Variants in AGBL2 observed in about 807,000 individuals in gnomAD.
The protein encoded by AGBL2 is cytosolic carboxypeptidase 2.
AGBL2 carries 87 observed loss-of-function variants against 103.0 expected under a neutral mutation model. The ratio of observed to expected loss-of-function variants is 0.84; its 90% CI spans 0.71 to 1.01. The LOEUF (loss-of-function observed/expected upper bound fraction) is 1.01, where lower values mean the gene tolerates loss of function less well. AGBL2 is among the 50% of genes least tolerant of loss of function. AGBL2 has a pLI of 0.00. For synonymous variants in AGBL2, 335 were observed against 356.7 expected, an observed-to-expected ratio of 0.94 and a Z score of 0.69; for missense variants, 904 against 1,023.5, an observed-to-expected ratio of 0.88 and a Z score of 1.59.
At chr11:47,664,896 A>ATTTTTT (rs2097337408) in intron 17 of AGBL2, among the ~76,000 whole-genome samples, 1 of 104,756 alleles carries the variant, frequency 9.5e-6, no homozygotes, top group Non-Finnish European at 2.0e-5. Context: ...TTTTTTTTTA[A>ATTTTTT]TTTTTAGCAA....
At position 47,666,901 on chromosome 11, in the gene AGBL2, T is replaced by G. The variant is rs1464305813; in HGVS notation, c.2448+55A>C. 4 of 1,126,818 alleles carry G rather than the reference T, an allele frequency of 3.5e-6. No homozygotes were observed. In the Admixed American group the frequency reaches 7.5e-5, roughly 21 times the overall value. The allele number at this position is 1,126,818 out of a possible 1,614,324, so 69.8% of individuals were successfully genotyped here. A position where few individuals can be genotyped will look rare whatever the true frequency, so the allele number is the denominator to read the frequency against. ...TTGTCACATTGTGGGAGAGAGGTGC[T>G]AATTCGAGAGGTTAGAGAATCTGTG... On this transcript the variant is annotated intron_variant, in intron 17 of 18. Coordinates refer to ENST00000525123, the MANE Select transcript of AGBL2 (RefSeq NM_024783.4).
chr11:47,683,697 AGGAGGT>A (rs1340046529), intron 11 of AGBL2, among the ~76,000 whole-genome samples: 1 of 151,558 alleles, frequency 6.6e-6, no homozygotes, highest in Non-Finnish European at 1.5e-5. Context: ...ACTTCAACTC[AGGAGGT>A]GGAGGTTACA....
intron 14 of AGBL2, among the ~76,000 whole-genome samples, chr11:47,669,902 T>TA (rs2097352254): frequency 6.6e-6 from 1 of 152,136 alleles, no homozygotes; most frequent in Admixed American, 6.6e-5. Context: ...TGAGCCACTG[T>TA]ACCCGGTACC....
At chr11:47,705,779 C>G in intron 5 of AGBL2, 85 bp downstream of exon 5, 1 of 1,217,872 alleles carries the variant, frequency 8.2e-7, no homozygotes, top group Admixed American at 1.7e-5. Context: ...TCTGGTAATT[C>G]TTAGGTCTGG....
In AGBL2 at chr11:47,667,061, T is replaced by C; in HGVS notation, c.2343A>G (p.Glu781=). The part of the protein sequence containing the change: ...QKLKLTEDTS[E]KAGFASTLQK... ...GCAGAGTAGAAGCAAATCCTGCCTT[T>C]TCCTAGGATTGAGTGAAAAGAGAAT... The change falls in exon 17 of 19, where the codon GAA becomes GAG. Residue 781 remains glutamate, a splice_region_variant and synonymous_variant. Coordinates refer to ENST00000525123, the MANE Select transcript of AGBL2 (RefSeq NM_024783.4). 2 of 1,584,624 alleles carry C rather than the reference T, an allele frequency of 1.3e-6. No homozygotes were observed. The highest frequency in any genetic ancestry group is 3.4e-4 in the Middle Eastern group (2 of 5,924).
intron 18 of AGBL2, among the ~76,000 whole-genome samples, chr11:47,661,969 G>A (rs1028594897): frequency 6.6e-5 from 10 of 151,636 alleles, no homozygotes; most frequent in African/African-American, 1.2e-4. Flanking sequence ...GGCTGGTCTC[G>A]AACTCCTGAC....
Position 47,699,480 on chromosome 11 carries a change from C to G in AGBL2, c.660G>C (p.Glu220Asp). Residue 220 changes from glutamate to aspartate, a missense_variant, in exon 8 of 19, where the codon GAG becomes GAC. Transcript: ENST00000525123. ...GNEKVPEIVGEKKGTVVYQLD... is the reference protein window; with the variant it reads ...GNEKVPEIVGDKKGTVVYQLD... ...ATTGATAGACAACTGTTCCTTTTTT[C>G]TCTCCTACAATCTCTGGTACCTTTT... 1 of 1,606,700 alleles carries G rather than the reference C, an allele frequency of 6.2e-7. No homozygotes were observed. Among genetic ancestry groups the G allele is most frequent in the South Asian group, 1.1e-5 (1 of 90,414 alleles).
intron 8 of AGBL2, 59 bp from the exon 9 acceptor site, chr11:47,692,315 T>C: frequency 6.8e-7 from 1 of 1,472,018 alleles, no homozygotes; most frequent in South Asian, 1.2e-5. Flanking sequence ...ATTCAGCAAA[T>C]ACTTAAGTGG....
At chr11:47,663,839 A>G (rs1564998419) in intron 17 of AGBL2, among the ~76,000 whole-genome samples, 1 of 149,594 alleles carries the variant, frequency 6.7e-6, no homozygotes, top group Non-Finnish European at 1.5e-5. Flanking sequence ...TACAGGCATG[A>G]GCCACCGTGC....
chr11:47,709,557 T>C (rs907633046), intron 4 of AGBL2, among the ~76,000 whole-genome samples: 2 of 152,152 alleles, frequency 1.3e-5, no homozygotes, highest in Non-Finnish European at 2.9e-5. Context: ...TTAGTAAGCA[T>C]TATCCATCAA....
intron 18 of AGBL2, among the ~76,000 whole-genome samples, chr11:47,661,449 G>T (rs769289255): frequency 6.6e-6 from 1 of 152,072 alleles, no homozygotes; most frequent in African/African-American, 2.4e-5. Context: ...TCATAATATG[G>T]TGATTGGACT....
In AGBL2 at chr11:47,659,792, C is replaced by T. The variant is rs113076330; in HGVS notation, c.*381G>A. ...CACAACACTTTTTTTTATTATAGCA[C>T]ACTGCCAAAATGTGTTTAACATAGA... On this transcript the variant is annotated 3_prime_UTR_variant, in exon 19 of 19. Transcript: ENST00000525123. 231 of 159,962 alleles carry T rather than the reference C, an allele frequency of 1.4e-3. No homozygotes were observed. Among genetic ancestry groups the T allele is most frequent in the African/African-American group, 5.2e-3 (216 of 41,818 alleles). The allele number at this position is 159,962 out of a possible 1,614,324, so 9.9% of individuals were successfully genotyped here.
At chr11:47,701,193 G>A (rs1013107947) in intron 7 of AGBL2, among the ~76,000 whole-genome samples, 6 of 151,628 alleles carry the variant, frequency 4.0e-5, no homozygotes, top group East Asian at 2.0e-4. Flanking sequence ...TTGGCTGGGC[G>A]CAGTGAGTGG....
At chr11:47,706,169 C>T (rs2097518214) in intron 4 of AGBL2, among the ~76,000 whole-genome samples, 2 of 152,204 alleles carry the variant, frequency 1.3e-5, no homozygotes, top group Non-Finnish European at 2.9e-5. Context: ...CACATGTAAT[C>T]CTAGCACTTT....
intron 7 of AGBL2, among the ~76,000 whole-genome samples, chr11:47,702,533 C>G (rs1184461343): frequency 6.6e-6 from 1 of 152,120 alleles, no homozygotes; most frequent in Non-Finnish European, 1.5e-5. Context: ...CTGTACTTAG[C>G]ATATAACAAC....
chr11:47,683,156 AG>A (rs2097408412), intron 11 of AGBL2, among the ~76,000 whole-genome samples: 2 of 151,884 alleles, frequency 1.3e-5, no homozygotes, highest in South Asian at 4.2e-4. Context: ...CAATCACCTG[AG>A]GTCAGGAATT....
rs146900980 is a variant in AGBL2 at position 47,710,721 on chromosome 11, G to A, written c.98-210C>T. ...ACCTTACAGCTGAGGAAATGGATGT[G>A]AAGAGGAGACTTGAGAAGCAGCCTG... On this transcript the variant is annotated intron_variant, in intron 3 of 18. Coordinates refer to ENST00000525123, the MANE Select transcript of AGBL2 (RefSeq NM_024783.4). The A allele has an allele frequency of 2.6e-3, 1,643 of 639,122 alleles. 4 individuals carry two copies. The highest frequency in any genetic ancestry group is 9.5e-3 in the Middle Eastern group (38 of 3,984). 39.6% of individuals were successfully genotyped at this position (639,122 alleles called of 1,614,324 possible).
intron 4 of AGBL2, among the ~76,000 whole-genome samples, chr11:47,707,854 T>C (rs770675822): frequency 6.6e-6 from 1 of 152,212 alleles, no homozygotes; most frequent in Admixed American, 6.5e-5. Flanking sequence ...CATATGCTTA[T>C]TGACTATGTT....
In AGBL2 at chr11:47,678,327, T is replaced by TA. The variant is rs1321866323; in HGVS notation, c.2017-927_2017-926insT. Among the ~76,000 whole-genome samples, 19 of 135,884 alleles carry TA rather than the reference T, an allele frequency of 1.4e-4. No homozygotes were observed. In the South Asian group the frequency reaches 2.2e-3, roughly 16 times the overall value. The allele number at this position is 135,884 out of a possible 152,430, so 89.1% of individuals were successfully genotyped here. A position where few individuals can be genotyped will look rare whatever the true frequency, so the allele number is the denominator to read the frequency against. ...TTTATTTTATTTTATTTTATTTTAT[T>TA]TTATTTTATTATTTTATTTTTTTTG... On this transcript the variant is annotated intron_variant, in intron 13 of 18. Transcript: ENST00000525123.
Sources: gnomAD v4.1 joint callset for allele counts (sites outside exome capture counted in the v4.1 genomes callset) on GRCh38, gnomAD v4.1.1 for gene constraint, MANE v1.5 for transcripts, NCBI Gene and HGNC (gene_info 2026-07-23, HGNC 2026-07-21) for gene names.